The following CCDC171 variants were observed in gnomAD, a reference collection of about 807,000 sequenced individuals.
The protein encoded by CCDC171 is coiled-coil domain-containing protein 171.
A neutral mutation model predicts 168.2 loss-of-function variants in CCDC171; 177 were observed. The observed-to-expected ratio is 1.05, with a 90% CI of 0.93 to 1.19. The LOEUF is 1.19. Ranked by LOEUF, CCDC171 falls within the 50% of genes most tolerant of loss-of-function variation. CCDC171 has a pLI of 0.00. For synonymous variants in CCDC171, 687 were observed against 540.8 expected (o/e 1.27, Z -3.75); for missense variants, 1,991 against 1,539.0 (o/e 1.29, Z -4.91).
rs188038700 is a variant in CCDC171 at position 15,948,961 on chromosome 9, A to C, written c.3754-22648A>C. Among the ~76,000 whole-genome samples the C allele has an allele frequency of 1.0e-3, 156 of 152,272 alleles. 2 individuals carry two copies. Among genetic ancestry groups the C allele is most frequent in the African/African-American group, 3.4e-3 (143 of 41,538 alleles). Reference sequence around the variant, plus strand: ...TCTGGTTTTTATGGTTTTAGGTCTAACATTTAAGTCTTTAATCCATCTCGA... The same window carrying C: ...TCTGGTTTTTATGGTTTTAGGTCTACCATTTAAGTCTTTAATCCATCTCGA... On this transcript the variant is annotated intron_variant, in intron 25 of 25. Coordinates refer to ENST00000380701, the MANE Select transcript of CCDC171 (RefSeq NM_173550.4).
At chr9:15,772,633 G>A (rs2057074712) in intron 18 of CCDC171, among the ~76,000 whole-genome samples, 1 of 152,180 alleles carries the variant, frequency 6.6e-6, no homozygotes, top group South Asian at 2.1e-4. Flanking sequence ...GTAGGGACCA[G>A]ATGTGTAGGA....
At chr9:16,094,058 T>A in the CCDC171 span, among the ~76,000 whole-genome samples, 3 of 152,180 alleles carry the variant, frequency 2.0e-5, no homozygotes, top group African/African-American at 7.2e-5. Flanking sequence ...GGACTCAGGC[T>A]AAGCCAGGAG....
chr9:15,767,378 C>G (rs1392422517), intron 18 of CCDC171, among the ~76,000 whole-genome samples: 1 of 152,184 alleles, frequency 6.6e-6, no homozygotes, highest in Non-Finnish European at 1.5e-5. Flanking sequence ...CTGCAAATCT[C>G]TCTCTGACTC....
At chr9:15,873,657 A>G (rs1487965787) in intron 23 of CCDC171, among the ~76,000 whole-genome samples, 4 of 152,118 alleles carry the variant, frequency 2.6e-5, no homozygotes, top group African/African-American at 4.8e-5. Context: ...AAACGAAACT[A>G]TGGAATTCTT....
intron 24 of CCDC171, among the ~76,000 whole-genome samples, chr9:15,903,582 CAG>C (rs1822042548): frequency 6.6e-6 from 1 of 152,186 alleles, no homozygotes; most frequent in Non-Finnish European, 1.5e-5. Flanking sequence ...TGGCGAAAAA[CAG>C]AGCAGAAAAA....
Position 15,779,058 on chromosome 9 carries a change from G to A in CCDC171, c.2989G>A (p.Val997Ile). Residue 997 changes from valine (V) to isoleucine (I), a missense_variant, in exon 20 of 26, where the codon GTC becomes ATC. Transcript: ENST00000380701. ...GGAGCGCCGCTCACTACGCTTAGAGGTCACAGAATTCAAACGAAGTGTGAA... is the reference window on the plus strand; with the variant it reads ...GGAGCGCCGCTCACTACGCTTAGAGATCACAGAATTCAAACGAAGTGTGAA... ...EVERRSLRLE[V>I]TEFKRSVNEM... 1 of 1,605,406 alleles carries A rather than the reference G, an allele frequency of 6.2e-7. No homozygotes were observed. The highest frequency in any genetic ancestry group is 8.5e-7 in the Non-Finnish European group (1 of 1,176,314).
chr9:16,094,777 G>C, the CCDC171 span, among the ~76,000 whole-genome samples: 1 of 152,168 alleles, frequency 6.6e-6, no homozygotes. Flanking sequence ...TTAATAAGGA[G>C]GTCATCCAAG....
chr9:15,827,302 C>G (rs777872993), intron 21 of CCDC171, among the ~76,000 whole-genome samples: 4 of 151,872 alleles, frequency 2.6e-5, no homozygotes, highest in Non-Finnish European at 5.9e-5. Flanking sequence ...TTGGTTATTC[C>G]AAGTATAGTC....
At chr9:15,897,996 A>T (rs1053444711) in intron 24 of CCDC171, among the ~76,000 whole-genome samples, 2 of 152,204 alleles carry the variant, frequency 1.3e-5, no homozygotes, top group Non-Finnish European at 2.9e-5. Context: ...GTCTATAAAG[A>T]TAATATGAGT....
rs1334564135 is a variant in CCDC171, at chr9:15,973,404, C to T, written c.*1568C>T. On this transcript the variant is annotated 3_prime_UTR_variant, in exon 26 of 26. Transcript: ENST00000380701. Reference sequence around the variant, plus strand: ...TGGCCTTGGTAAATAAGATTTTATACTAACTATTTATTAGTAGCCAAATTA... The same window carrying T: ...TGGCCTTGGTAAATAAGATTTTATATTAACTATTTATTAGTAGCCAAATTA... The T allele has an allele frequency of 6.6e-6, 1 of 151,884 alleles. No homozygotes were observed. The highest frequency in any genetic ancestry group is 1.5e-5 in the Non-Finnish European group (1 of 67,954). The allele number at this position is 151,884 out of a possible 1,614,324, so 9.4% of individuals were successfully genotyped here. A position where few individuals can be genotyped will look rare whatever the true frequency, so the allele number is the denominator to read the frequency against.
intron 6 of CCDC171, among the ~76,000 whole-genome samples, chr9:16,033,509 T>C (rs1211725289): frequency 6.6e-6 from 1 of 152,164 alleles, no homozygotes; most frequent in East Asian, 1.9e-4. Flanking sequence ...TCTGTCTCTG[T>C]CTCCCATCAC....
intron 7 of CCDC171, among the ~76,000 whole-genome samples, chr9:15,639,888 A>G (rs2046465180): frequency 6.6e-6 from 1 of 152,202 alleles, no homozygotes; most frequent in Non-Finnish European, 1.5e-5. Flanking sequence ...AGAAGTAAGT[A>G]GAAGGAATAT....
At chr9:15,934,102 C>G (rs1826831188) in intron 25 of CCDC171, among the ~76,000 whole-genome samples, 2 of 151,834 alleles carry the variant, frequency 1.3e-5, no homozygotes, top group African/African-American at 4.8e-5. Flanking sequence ...TTTAAAAAAT[C>G]ACAGAGGACT....
At chr9:16,062,518 G>A (rs1203506800), downstream of CCDC171, among the ~76,000 whole-genome samples, 5 of 151,866 alleles carry the variant, frequency 3.3e-5, no homozygotes, top group East Asian at 1.9e-4. Context: ...TTTACCCATC[G>A]AACAAACCTG....
the CCDC171 span, among the ~76,000 whole-genome samples, chr9:16,105,168 G>A: frequency 2.6e-5 from 4 of 152,200 alleles, no homozygotes; most frequent in African/African-American, 7.2e-5. Context: ...CGGCAGCAGT[G>A]ACTTAAATAT....
At chr9:16,102,865 T>C in the CCDC171 span, among the ~76,000 whole-genome samples, 1 of 152,250 alleles carries the variant, frequency 6.6e-6, no homozygotes, top group Admixed American at 6.5e-5. Context: ...GCATCGACCT[T>C]TGAATTATAC....
intron 1 of CCDC171, among the ~76,000 whole-genome samples, chr9:16,049,941 C>T (rs1833723648): frequency 6.6e-6 from 1 of 152,128 alleles, no homozygotes; most frequent in Non-Finnish European, 1.5e-5. Context: ...GGCTGGAGTG[C>T]AGTGGTGCAA....
At chr9:15,929,825 T>C (rs1181444771) in intron 25 of CCDC171, among the ~76,000 whole-genome samples, 1 of 151,758 alleles carries the variant, frequency 6.6e-6, no homozygotes, top group African/African-American at 2.4e-5. Context: ...TCTCATATTC[T>C]AGAAACTCAA....
chr9:16,065,526 G>A (rs948837522), downstream of CCDC171, among the ~76,000 whole-genome samples: 2 of 152,210 alleles, frequency 1.3e-5, no homozygotes, highest in Admixed American at 1.3e-4. Context: ...AGCTGAAGTG[G>A]AGGAAGAGTT....
Sources: gnomAD v4.1 joint callset for allele counts (sites outside exome capture counted in the v4.1 genomes callset) on GRCh38, gnomAD v4.1.1 for gene constraint, MANE v1.5 for transcripts, NCBI Gene and HGNC (gene_info 2026-07-23, HGNC 2026-07-21) for gene names.